Variants in PCDHGA7 observed in about 807,000 individuals in gnomAD.
PCDHGA7 encodes protocadherin gamma subfamily A, 7.
PCDHGA7 carries 44 observed loss-of-function variants against 58.3 expected under a neutral mutation model. That is an observed-to-expected ratio of 0.75 (90% confidence interval 0.59 to 0.97). PCDHGA7 has a LOEUF of 0.97. Ranked by LOEUF, PCDHGA7 falls within the 50% of genes least tolerant of loss-of-function variation. The pLI is 0.00. For missense variants in PCDHGA7, 1,266 were observed against 1,188.7 expected, an observed-to-expected ratio of 1.06 and a Z score of -0.96; for synonymous variants, 516 against 504.2, an observed-to-expected ratio of 1.02 and a Z score of -0.31.
intron 1 of PCDHGA7, chr5:141,422,633 G>C: frequency 6.2e-7 from 1 of 1,613,120 alleles, no homozygotes; most frequent in Non-Finnish European, 8.5e-7. Context: ...AACCCCAGGG[G>C]TGCCTCCATC....
At chr5:141,502,035 G>C (rs1371892057) in intron 2 of PCDHGA7, among the ~76,000 whole-genome samples, 1 of 152,078 alleles carries the variant, frequency 6.6e-6, no homozygotes, top group Non-Finnish European at 1.5e-5. Context: ...CCCGCCGCTT[G>C]CCTGCTCTCC....
intron 1 of PCDHGA7, chr5:141,394,556 C>T (rs752795340): frequency 1.9e-6 from 3 of 1,614,112 alleles, no homozygotes; most frequent in Admixed American, 3.3e-5. Context: ...CGCCCCGCTC[C>T]GCAGAGCGTG....
Position 141,383,994 on chromosome 5 carries a change from C to T in PCDHGA7, c.1095C>T (p.Val365=). 6.2e-7 allele frequency: 1 copy of T among 1,613,758 alleles called. No individual in the cohort carries two copies. ...CTGAAGACACACCTCTTGGGACAGT[C>T]ATTGCTCTTTTCTACCTACAAGACA... ...SIPEDTPLGT[V]IALFYLQDRD... Residue 365 remains valine, a synonymous_variant, in exon 1 of 4, where the codon GTC becomes GTT. Transcript: ENST00000518325.
chr5:141,431,839 T>A lies in PCDHGA7; in HGVS notation c.2424+46516T>A. The A allele has an allele frequency of 1.2e-6, 2 of 1,614,198 alleles. No individual in the cohort carries two copies. The highest frequency in any genetic ancestry group is 1.7e-6 in the Non-Finnish European group (2 of 1,180,028). The stretch of plus-strand genomic sequence containing the variant: ...TCGCCAGCTCGGTTCCCGAAAACTC[T>A]CCCAGAGGGACATTAATTGCCCTTT... On this transcript the variant is annotated intron_variant, in intron 1 of 3. Coordinates refer to ENST00000518325, the MANE Select transcript of PCDHGA7 (RefSeq NM_018920.4). This position sits in a 1 kb window ranked among gnomAD's most constrained non-coding sequence, Gnocchi z 4.8.
At chr5:141,399,655 G>A in intron 1 of PCDHGA7, 2 of 1,613,730 alleles carry the variant, frequency 1.2e-6, no homozygotes, top group South Asian at 1.1e-5. Context: ...AAGTGGGGTG[G>A]TGTTCGCGCA....
chr5:141,508,535 C>A (rs1294413041), intron 3 of PCDHGA7, among the ~76,000 whole-genome samples: 1 of 152,172 alleles, frequency 6.6e-6, no homozygotes, highest in Non-Finnish European at 1.5e-5. Context: ...GGGCACCCCC[C>A]ACGAGGTGGG....
Position 141,385,096 on chromosome 5 carries a change from G to T in PCDHGA7, c.2197G>T (p.Ala733Ser), listed in dbSNP as rs746092295. Residue 733 changes from alanine (A) to serine (S), a missense_variant, in exon 1 of 4, where the codon GCG (alanine) becomes TCG (serine). Coordinates refer to ENST00000518325, the MANE Select transcript of PCDHGA7 (RefSeq NM_018920.4). ...RLLQASEGGL[A>S]NVPTSHFVGM... The stretch of plus-strand genomic sequence containing the variant: ...GCTGCAGGCTTCAGAAGGTGGCTTG[G>T]CGAACGTGCCCACCTCGCACTTTGT... 1 of 1,614,190 alleles carries T rather than the reference G, an allele frequency of 6.2e-7. No individual in the cohort carries two copies. Among genetic ancestry groups the T allele is most frequent in the Non-Finnish European group, 8.5e-7 (1 of 1,180,048 alleles).
rs2097456240 is a variant in PCDHGA7, at chr5:141,432,134, G to T, written c.2424+46811G>T. 3 of 1,613,756 alleles carry T rather than the reference G, an allele frequency of 1.9e-6. No individual in the cohort carries two copies. The highest frequency in any genetic ancestry group is 1.3e-5 in the African/African-American group (1 of 74,800). On this transcript the variant is annotated intron_variant, in intron 1 of 3. Coordinates refer to ENST00000518325, the MANE Select transcript of PCDHGA7 (RefSeq NM_018920.4). This position sits in a 1 kb window ranked among gnomAD's most constrained non-coding sequence, Gnocchi z 6.0. The stretch of plus-strand genomic sequence containing the variant: ...GGTCTTCCCTCAGGCCTCCTATTCC[G>T]CTTATATCCCAGAGAACAATCCCAG...
chr5:141,403,212 C>T (rs755734755), intron 1 of PCDHGA7: 8 of 1,613,834 alleles, frequency 5.0e-6, no homozygotes, highest in East Asian at 2.2e-5. Context: ...TTGGTCACCG[C>T]GGGTAGGATA....
chr5:141,389,602 T>G, intron 1 of PCDHGA7: 2 of 1,613,170 alleles, frequency 1.2e-6, no homozygotes, highest in African/African-American at 2.7e-5. Flanking sequence ...TCTGCGCTCT[T>G]CGATATGGTG....
rs1038523588 is a variant in PCDHGA7 at position 141,384,510 on chromosome 5, C to T, written c.1611C>T (p.Ser537=). 16 of 1,614,028 alleles carry T rather than the reference C, an allele frequency of 9.9e-6. No homozygotes were observed. Among genetic ancestry groups the T allele is most frequent in the African/African-American group, 2.7e-5 (2 of 74,946 alleles). The change falls in exon 1 of 4, where the codon AGC becomes AGT. Residue 537 remains serine, a synonymous_variant. Coordinates refer to ENST00000518325, the MANE Select transcript of PCDHGA7 (RefSeq NM_018920.4). ...AACTAAGAGTGACTGCACATGACAG[C>T]GGGGACCCGCCTCTCAGCAGCAACA... ...ELQLRVTAHD[S]GDPPLSSNMS...
chr5:141,382,839 T>A lies in PCDHGA7; in HGVS notation c.-61T>A. 4 of 1,450,270 alleles carry A rather than the reference T, an allele frequency of 2.8e-6. No individual in the cohort carries two copies. In the South Asian group the frequency reaches 5.5e-5, roughly 20 times the overall value. 89.8% of individuals were successfully genotyped at this position (1,450,270 alleles called of 1,614,324 possible). A position where few individuals can be genotyped will look rare whatever the true frequency, so the allele number is the denominator to read the frequency against. On this transcript the variant is annotated 5_prime_UTR_variant, in exon 1 of 4. Coordinates refer to ENST00000518325, the MANE Select transcript of PCDHGA7 (RefSeq NM_018920.4). ...CCTAAGACAGAGGGGTCCACCCGGA[T>A]ACACCCGCATTCTGAAGCACTTCCC...
At position 141,432,252 on chromosome 5, in the gene PCDHGA7, G is replaced by A. The variant is rs749107567; in HGVS notation, c.2424+46929G>A. 3.7e-6 allele frequency: 6 copies of A among 1,614,220 alleles called. No homozygotes were observed. The highest frequency in any genetic ancestry group is 5.1e-6 in the Non-Finnish European group (6 of 1,180,042). ...TCCCTGGCTGAGAACACCATCCAAG[G>A]GGCAAGCCTATCGTCCTACGTGTCC... On this transcript the variant is annotated intron_variant, in intron 1 of 3. Coordinates refer to ENST00000518325, the MANE Select transcript of PCDHGA7 (RefSeq NM_018920.4). The surrounding 1 kb of genome is among the most constrained non-coding windows in gnomAD (Gnocchi z 6.0).
chr5:141,487,748 T>A lies in PCDHGA7; in HGVS notation c.2425-7059T>A, dbSNP rs1458153935. ...TGTCACCATTTTTGTAAGAGGTAACTATGTGGTAGACGCTGTGCTTTGTAA... is the reference window on the plus strand; with the variant it reads ...TGTCACCATTTTTGTAAGAGGTAACAATGTGGTAGACGCTGTGCTTTGTAA... On this transcript the variant is annotated intron_variant, in intron 1 of 3. Transcript: ENST00000518325. This position sits in a 1 kb window ranked among gnomAD's most constrained non-coding sequence, Gnocchi z 5.0. 6.4e-7 allele frequency: 1 copy of A among 1,557,554 alleles called. No homozygotes were observed. The highest frequency in any genetic ancestry group is 1.2e-5 in the South Asian group (1 of 84,814).
At chr5:141,482,530 C>CTAAAAA in intron 1 of PCDHGA7, among the ~76,000 whole-genome samples, 1 of 76,560 alleles carries the variant, frequency 1.3e-5, no homozygotes, top group African/African-American at 4.8e-5. Context: ...GACAGACATG[C>CTAAAAA]AAAAAAAAAA....
Position 141,433,362 on chromosome 5 carries a change from T to G in PCDHGA7, c.2424+48039T>G, listed in dbSNP as rs1285511534. ...GTGCAAGCCACCTACTGTCTGCCTA[T>G]CTATCTATCTATCTATCTATCTATC... On this transcript the variant is annotated intron_variant, in intron 1 of 3. Transcript: ENST00000518325. 4 of 299,814 alleles carry G rather than the reference T, an allele frequency of 1.3e-5. No individual in the cohort carries two copies. In the East Asian group the frequency reaches 1.8e-4, roughly 14 times the overall value. 18.6% of individuals were successfully genotyped at this position (299,814 alleles called of 1,614,324 possible). A position where few individuals can be genotyped will look rare whatever the true frequency, so the allele number is the denominator to read the frequency against.
intron 1 of PCDHGA7, among the ~76,000 whole-genome samples, chr5:141,461,886 C>T (rs944110458): frequency 3.3e-5 from 5 of 151,972 alleles, no homozygotes; most frequent in South Asian, 2.1e-4. Context: ...TGCAATGGCA[C>T]GATCTCGGCT....
chr5:141,444,997 A>G (rs2154560871), intron 1 of PCDHGA7, among the ~76,000 whole-genome samples: 1 of 152,292 alleles, frequency 6.6e-6, no homozygotes, highest in Admixed American at 6.5e-5. Context: ...ATATATTTCC[A>G]TTTAATTAGG....
intron 1 of PCDHGA7, chr5:141,419,596 G>A (rs377287183): frequency 2.6e-5 from 42 of 1,611,564 alleles, no homozygotes; most frequent in Non-Finnish European, 3.3e-5. Flanking sequence ...ACACAGTGCC[G>A]CGGGCCGCGC....
Sources: allele counts gnomAD v4.1 joint callset (sites outside exome capture counted in the v4.1 genomes callset), GRCh38; gene constraint gnomAD v4.1.1; non-coding constraint Gnocchi (gnomAD v3.1); transcripts MANE v1.5; gene names NCBI Gene and HGNC (gene_info 2026-07-23, HGNC 2026-07-21).